The following ACTR3C variants were observed in gnomAD, a reference collection of about 807,000 sequenced individuals.
ACTR3C encodes the protein actin-related protein 3C.
ACTR3C carries 18 observed loss-of-function variants against 26.3 expected under a neutral mutation model. The ratio of observed to expected loss-of-function variants is 0.68; its 90% CI spans 0.47 to 1.01. ACTR3C has a LOEUF of 1.01. Ranked by LOEUF, ACTR3C falls within the 50% of genes least tolerant of loss-of-function variation. The pLI, the probability that ACTR3C is intolerant of heterozygous loss-of-function variation, is 0.00. For synonymous variants in ACTR3C, 55 were observed against 94.5 expected (o/e 0.58, Z 2.42); for missense variants, 184 against 250.7 (o/e 0.73, Z 1.80).
the ACTR3C span, among the ~76,000 whole-genome samples, chr7:150,151,765 A>C: frequency 1.2e-4 from 16 of 131,932 alleles, no homozygotes; most frequent in African/African-American, 4.1e-4. Context: ...GCTTTAGGAG[A>C]TATACCTAAT....
the ACTR3C span, among the ~76,000 whole-genome samples, chr7:150,129,752 C>T: frequency 3.3e-5 from 5 of 152,042 alleles, no homozygotes; most frequent in African/African-American, 1.2e-4. Flanking sequence ...TACTAACATG[C>T]CAATTCTCCG....
the ACTR3C span, among the ~76,000 whole-genome samples, chr7:149,898,900 A>G: frequency 6.6e-6 from 1 of 152,014 alleles, no homozygotes; most frequent in Admixed American, 6.6e-5. Context: ...AACAGTTCTT[A>G]TGAACACAAT....
At chr7:150,167,519 T>C in the ACTR3C span, among the ~76,000 whole-genome samples, 5 of 150,970 alleles carry the variant, frequency 3.3e-5, no homozygotes, top group Non-Finnish European at 7.3e-5. Context: ...TTTATTATAA[T>C]TAATGATCAC....
At chr7:150,036,907 G>T in the ACTR3C span, among the ~76,000 whole-genome samples, 3 of 115,272 alleles carry the variant, frequency 2.6e-5, no homozygotes, top group Non-Finnish European at 4.0e-5. Flanking sequence ...CTCGCGGGGA[G>T]TGCCTCCCCC....
the ACTR3C span, among the ~76,000 whole-genome samples, chr7:150,188,176 G>T: frequency 1.9e-4 from 29 of 152,216 alleles, no homozygotes; most frequent in East Asian, 3.7e-3. Flanking sequence ...CTGTAGTTTC[G>T]TTCTTTCCAG....
At chr7:149,933,870 A>C in the ACTR3C span, among the ~76,000 whole-genome samples, 2 of 152,184 alleles carry the variant, frequency 1.3e-5, no homozygotes, top group Non-Finnish European at 1.5e-5. Context: ...GTCAGACTCC[A>C]GGTGTAGAGT....
intron 6 of ACTR3C, among the ~76,000 whole-genome samples, chr7:150,259,273 A>AAAAGAAAGAAAGAAAGAAAGAAAG (rs374612383): frequency 1.3e-5 from 2 of 148,342 alleles, no homozygotes; most frequent in African/African-American, 5.1e-5. Context: ...AGAAGAAAGA[A>AAAAGAAAGAAAGAAAGAAAGAAAG]AAAGAAAGAA....
the ACTR3C span, among the ~76,000 whole-genome samples, chr7:150,141,817 C>G: frequency 2.3e-3 from 353 of 151,920 alleles, 3 homozygotes; most frequent in African/African-American, 8.2e-3. Flanking sequence ...CAAGCGCTTG[C>G]CAAGCAGTTC....
chr7:150,011,169 A>T, the ACTR3C span, among the ~76,000 whole-genome samples: 284 of 152,350 alleles, frequency 1.9e-3, 1 homozygote, highest in African/African-American at 6.5e-3. Context: ...TCTCAGGTCC[A>T]TTGGATTCCA....
At chr7:150,231,327 A>C in the ACTR3C span, among the ~76,000 whole-genome samples, 1 of 151,988 alleles carries the variant, frequency 6.6e-6, no homozygotes, top group South Asian at 2.1e-4. Context: ...TTGGAGGTGG[A>C]TCTCTCCTGA....
chr7:149,951,433 T>A, the ACTR3C span, among the ~76,000 whole-genome samples: 1 of 146,372 alleles, frequency 6.8e-6, no homozygotes, highest in Non-Finnish European at 1.5e-5. Flanking sequence ...AGAGTTTGGC[T>A]GGGCTATATT....
At chr7:150,198,314 G>A in the ACTR3C span, among the ~76,000 whole-genome samples, 1 of 148,780 alleles carries the variant, frequency 6.7e-6, no homozygotes, top group Non-Finnish European at 1.5e-5. Flanking sequence ...CATCGTCTGG[G>A]ATGTGAGGAG....
chr7:150,035,537 C>A, the ACTR3C span, among the ~76,000 whole-genome samples: 3 of 126,660 alleles, frequency 2.4e-5, no homozygotes, highest in Non-Finnish European at 5.3e-5. Context: ...GGGGTGCCTC[C>A]CCCTCCTGCG....
At chr7:150,152,661 G>C in the ACTR3C span, among the ~76,000 whole-genome samples, 2 of 152,186 alleles carry the variant, frequency 1.3e-5, no homozygotes, top group African/African-American at 2.4e-5. Flanking sequence ...CATAAGACGA[G>C]TTAGGGAGGA....
the ACTR3C span, among the ~76,000 whole-genome samples, chr7:150,083,787 C>A: frequency 6.6e-6 from 1 of 152,168 alleles, no homozygotes; most frequent in Non-Finnish European, 1.5e-5. Context: ...CACTTTCTCC[C>A]TCCATACTGC....
chr7:150,166,935 AACATG>A, the ACTR3C span, among the ~76,000 whole-genome samples: 1 of 150,522 alleles, frequency 6.6e-6, no homozygotes, highest in African/African-American at 2.5e-5. Context: ...TATTTCAACT[AACATG>A]ACAACCTATA....
the ACTR3C span, among the ~76,000 whole-genome samples, chr7:150,036,234 G>A: frequency 5.8e-5 from 7 of 121,610 alleles, no homozygotes; most frequent in South Asian, 1.8e-3. Context: ...AAAATGGGGG[G>A]CCTTTATGTT....
chr7:150,115,768 T>C, the ACTR3C span, among the ~76,000 whole-genome samples: 7 of 152,356 alleles, frequency 4.6e-5, no homozygotes, highest in East Asian at 1.3e-3. Context: ...AATCTCTATC[T>C]TTCCCTTGTA....
the ACTR3C span, chr7:149,892,167 A>C: frequency 1.6e-5 from 21 of 1,287,622 alleles, no homozygotes; most frequent in Non-Finnish European, 2.1e-5. Flanking sequence ...AAACATAAGA[A>C]TAGAAACACA....
Sources: allele counts gnomAD v4.1 joint callset (sites outside exome capture counted in the v4.1 genomes callset), GRCh38; gene constraint gnomAD v4.1.1; transcripts MANE v1.5; gene names NCBI Gene and HGNC (gene_info 2026-07-23, HGNC 2026-07-21).